DDX10: variants seen among roughly 807,000 people sequenced by gnomAD.
DDX10 encodes the protein DEAD-box helicase 10.
DDX10 carries 74 observed loss-of-function variants against 104.3 expected under a neutral mutation model. That is an observed-to-expected ratio of 0.71 (90% CI 0.59 to 0.86). The LOEUF is 0.86. DDX10 is among the 40% of genes least tolerant of loss of function. The pLI is 0.00. For missense variants in DDX10, 952 were observed against 1,040.0 expected, an observed-to-expected ratio of 0.92 and a Z score of 1.16; for synonymous variants, 351 against 353.4, an observed-to-expected ratio of 0.99 and a Z score of 0.08.
chr11:108,787,661 G>A (rs1389455579), intron 13 of DDX10, among the ~76,000 whole-genome samples: 5 of 152,070 alleles, frequency 3.3e-5, no homozygotes, highest in African/African-American at 9.7e-5. Flanking sequence ...GGCTGGGTGC[G>A]ATGGCTCACA....
At chr11:108,777,352 T>C (rs1159528601) in intron 13 of DDX10, among the ~76,000 whole-genome samples, 1 of 152,124 alleles carries the variant, frequency 6.6e-6, no homozygotes, top group African/African-American at 2.4e-5. Context: ...TCTTTTGAGA[T>C]AGAGTCTTGC....
chr11:108,845,165 G>A (rs534600518), intron 15 of DDX10, among the ~76,000 whole-genome samples: 4 of 152,250 alleles, frequency 2.6e-5, no homozygotes, highest in African/African-American at 4.8e-5. Flanking sequence ...CCGAGATCGC[G>A]CCACTGTACT....
At chr11:108,806,043 C>T (rs769616387) in intron 13 of DDX10, among the ~76,000 whole-genome samples, 1 of 152,074 alleles carries the variant, frequency 6.6e-6, no homozygotes, top group Non-Finnish European at 1.5e-5. Flanking sequence ...CTCACTGCAA[C>T]CTACGCCTCC....
In DDX10 at chr11:108,875,948, G is replaced by T. The variant is rs72993540; in HGVS notation, c.2304+23739G>T. Among the ~76,000 whole-genome samples, 1,138 of 152,232 alleles carry T rather than the reference G, an allele frequency of 7.5e-3. 8 individuals are homozygous for T. The highest frequency in any genetic ancestry group is 0.014 in the Non-Finnish European group (921 of 68,000). ...GGGAACCTAACTTAGAGTGACTAAG[G>T]TCGTTATGTACACTAGAGCATGTGA... On this transcript the variant is annotated intron_variant, in intron 16 of 17. Transcript: ENST00000322536.
chr11:108,666,408 A>T (rs946947671), intron 1 of DDX10, among the ~76,000 whole-genome samples: 1 of 152,132 alleles, frequency 6.6e-6, no homozygotes, highest in Non-Finnish European at 1.5e-5. Flanking sequence ...TGAACCCGGG[A>T]GGCAGAGGTT....
At chr11:108,826,252 A>T (rs1385669956) in intron 13 of DDX10, among the ~76,000 whole-genome samples, 1 of 152,170 alleles carries the variant, frequency 6.6e-6, no homozygotes, top group Non-Finnish European at 1.5e-5. Context: ...GCTGACTTTC[A>T]TCCAGTGTAA....
At chr11:108,929,454 C>T (rs1446602450) in intron 17 of DDX10, 1 of 152,222 alleles carries the variant, frequency 6.6e-6, no homozygotes, top group Non-Finnish European at 1.5e-5. Flanking sequence ...CTAATAGCAT[C>T]ATCATGACTG....
intron 14 of DDX10, among the ~76,000 whole-genome samples, chr11:108,838,811 T>A (rs1004018753): frequency 2.6e-5 from 4 of 152,246 alleles, no homozygotes; most frequent in African/African-American, 7.2e-5. Flanking sequence ...CTTTCTAGAT[T>A]ATGTTTTTAT....
intron 17 of DDX10, among the ~76,000 whole-genome samples, chr11:108,924,346 A>G (rs895939351): frequency 6.6e-6 from 1 of 152,212 alleles, no homozygotes; most frequent in African/African-American, 2.4e-5. Context: ...TAGGTAGCAT[A>G]AGACCAATTA....
At chr11:108,678,970 C>G (rs1045306811) in intron 5 of DDX10, among the ~76,000 whole-genome samples, 12 of 148,326 alleles carry the variant, frequency 8.1e-5, no homozygotes, top group African/African-American at 3.0e-4. Context: ...AGTGATTCTC[C>G]TGCCTCAGCC....
At position 108,677,237 on chromosome 11, in the gene DDX10, T is replaced by C; in HGVS notation, c.531T>C (p.Gly177=). The C allele has an allele frequency of 1.9e-6, 3 of 1,612,780 alleles. No individual in the cohort carries two copies. Among genetic ancestry groups the C allele is most frequent in the Non-Finnish European group, 2.5e-6 (3 of 1,179,032 alleles). ...NHDFSAGLII[G]GKDLKHEAER... ...ACTTCTCAGCTGGTCTCATCATTGG[T>C]GGAAAGGTTTGTCCTTTTGTCTATG... The change falls in exon 4 of 18, where the codon GGT becomes GGC. Residue 177 remains glycine, a synonymous_variant. Coordinates refer to ENST00000322536, the MANE Select transcript of DDX10 (RefSeq NM_004398.4).
intron 13 of DDX10, among the ~76,000 whole-genome samples, chr11:108,737,021 C>CT (rs1232007659): frequency 2.0e-5 from 3 of 151,884 alleles, no homozygotes; most frequent in Non-Finnish European, 2.9e-5. Flanking sequence ...GCACTTCTTG[C>CT]TTTTTTTTCA....
chr11:108,890,825 A>T (rs1863366089), intron 16 of DDX10, among the ~76,000 whole-genome samples: 1 of 152,166 alleles, frequency 6.6e-6, no homozygotes, highest in Non-Finnish European at 1.5e-5. Context: ...AAAGAGCTGA[A>T]GGTTGAGACT....
At chr11:108,926,980 C>A (rs888614021) in intron 17 of DDX10, among the ~76,000 whole-genome samples, 1 of 152,160 alleles carries the variant, frequency 6.6e-6, no homozygotes, top group Non-Finnish European at 1.5e-5. Flanking sequence ...GCGCTAAATT[C>A]TTGTCTCTCA....
chr11:108,706,920 C>A, intron 10 of DDX10, 83 bp downstream of exon 10: 2 of 1,126,490 alleles, frequency 1.8e-6, no homozygotes, highest in South Asian at 1.3e-5. Flanking sequence ...CTAATTTGCC[C>A]CTTCCCCTAA....
chr11:108,742,570 G>GAAC (rs964625783), intron 13 of DDX10, among the ~76,000 whole-genome samples: 4 of 151,968 alleles, frequency 2.6e-5, no homozygotes, highest in Non-Finnish European at 4.4e-5. Context: ...ATTTCAAAAA[G>GAAC]AACAACAACA....
chr11:108,881,229 G>A (rs1410531297), intron 16 of DDX10, among the ~76,000 whole-genome samples: 4 of 152,112 alleles, frequency 2.6e-5, no homozygotes, highest in South Asian at 4.1e-4. Context: ...AAGATGGGGA[G>A]GCTGTTAAGT....
At chr11:108,839,095 G>A (rs1274698986) in intron 14 of DDX10, among the ~76,000 whole-genome samples, 1 of 152,162 alleles carries the variant, frequency 6.6e-6, no homozygotes, top group Non-Finnish European at 1.5e-5. Context: ...CATAGTATAG[G>A]GAAGGGATTA....
At chr11:108,724,232 A>G (rs564222794) in intron 13 of DDX10, among the ~76,000 whole-genome samples, 1 of 152,220 alleles carries the variant, frequency 6.6e-6, no homozygotes, top group South Asian at 2.1e-4. Flanking sequence ...GAAATACATA[A>G]TAGATTTTGA....
Sources: allele counts gnomAD v4.1 joint callset (sites outside exome capture counted in the v4.1 genomes callset), GRCh38; gene constraint gnomAD v4.1.1; transcripts MANE v1.5; gene names NCBI Gene and HGNC (gene_info 2026-07-23, HGNC 2026-07-21).